LRP2: variants seen among roughly 807,000 people sequenced by gnomAD.
The protein encoded by LRP2 is low-density lipoprotein receptor-related protein 2.
In LRP2, 172 loss-of-function variants were observed where a neutral mutation model predicts 531.0. That is an observed-to-expected ratio of 0.32 (90% CI 0.29 to 0.37). The LOEUF (loss-of-function observed/expected upper bound fraction) is 0.37. LRP2 is among the 10% of genes least tolerant of loss of function. LRP2 has a pLI of 1.00. For missense variants in LRP2, 5,167 were observed against 5,868.3 expected, an observed-to-expected ratio of 0.88 and a Z score of 3.90; for synonymous variants, 1,992 against 2,027.6, an observed-to-expected ratio of 0.98 and a Z score of 0.47.
intron 52 of LRP2, 138 bp from the exon 53 acceptor site, chr2:169,178,164 T>G (rs1239830520): frequency 2.9e-6 from 2 of 691,952 alleles, no homozygotes; most frequent in African/African-American, 3.6e-5. Flanking sequence ...AAACTCCTAG[T>G]CTTTAATTAA....
intron 3 of LRP2, among the ~76,000 whole-genome samples, chr2:169,310,883 G>A (rs540297806): frequency 6.6e-6 from 1 of 152,288 alleles, no homozygotes; most frequent in South Asian, 2.1e-4. Context: ...TTCAGAGCCT[G>A]TTATTGGACT....
intron 62 of LRP2, 37 bp downstream of exon 62, chr2:169,165,895 C>T: frequency 6.2e-7 from 1 of 1,613,140 alleles, no homozygotes; most frequent in Non-Finnish European, 8.5e-7. Context: ...CACTTGGGGT[C>T]CTTCCTTTTT....
chr2:169,238,603 T>C (rs13027887), intron 26 of LRP2, among the ~76,000 whole-genome samples: 6,143 of 152,212 alleles, frequency 0.04, 131 homozygotes, highest in Non-Finnish European at 0.055. Context: ...TTACTGTATT[T>C]ATTTTTGTAC....
At chr2:169,322,037 C>A (rs908087767) in intron 1 of LRP2, among the ~76,000 whole-genome samples, 1 of 152,178 alleles carries the variant, frequency 6.6e-6, no homozygotes. Flanking sequence ...TTATTTTATT[C>A]TTTCACAAAC....
intron 37 of LRP2, 42 bp downstream of exon 37, chr2:169,211,926 G>A (rs763657997): frequency 1.2e-6 from 2 of 1,612,986 alleles, no homozygotes; most frequent in South Asian, 1.1e-5. Context: ...TCAACCTGGT[G>A]CCAGATGAAG....
At chr2:169,137,537 C>CAG (rs770018096) in intron 75 of LRP2, 44 bp from the exon 76 acceptor site, 3 of 1,162,412 alleles carry the variant, frequency 2.6e-6, no homozygotes, top group South Asian at 1.2e-5. Context: ...GAGAGAGAAA[C>CAG]AGAGAGAGAG....
At chr2:169,220,587 G>A (rs774137797) in intron 33 of LRP2, 24 bp from the exon 34 acceptor site, 15 of 1,511,356 alleles carry the variant, frequency 9.9e-6, no homozygotes, top group African/African-American at 1.4e-5. Context: ...TCACTTATTA[G>A]AACTGACTTT....
intron 32 of LRP2, among the ~76,000 whole-genome samples, chr2:169,225,735 A>G (rs940272202): frequency 5.9e-5 from 9 of 152,234 alleles, no homozygotes; most frequent in Non-Finnish European, 1.2e-4. Flanking sequence ...AACCCAAGTC[A>G]CAGATGTGGA....
chr2:169,281,057 T>C (rs1683689876), intron 10 of LRP2, among the ~76,000 whole-genome samples: 1 of 152,158 alleles, frequency 6.6e-6, no homozygotes, highest in African/African-American at 2.4e-5. Context: ...AGGAATGATA[T>C]AAAAATTGAT....
intron 31 of LRP2, among the ~76,000 whole-genome samples, chr2:169,230,251 G>A (rs1689351469): frequency 6.6e-6 from 1 of 152,206 alleles, no homozygotes; most frequent in Admixed American, 6.5e-5. Context: ...ATCTTCTCCT[G>A]AAAGACTCTA....
chr2:169,168,764 C>A (rs1558991612), intron 60 of LRP2, 88 bp from the exon 61 acceptor site: 15 of 1,382,442 alleles, frequency 1.1e-5, no homozygotes, highest in Non-Finnish European at 1.5e-5. Flanking sequence ...TTGGCTCTTG[C>A]CATTATAGCC....
chr2:169,208,084 G>C (rs1017950439), intron 38 of LRP2, among the ~76,000 whole-genome samples: 14 of 152,084 alleles, frequency 9.2e-5, no homozygotes, highest in African/African-American at 3.4e-4. Flanking sequence ...TTAATCCAGG[G>C]TTGGCAAACT....
At chr2:169,169,923 G>T in intron 59 of LRP2, 105 bp from the exon 60 acceptor site, 1 of 808,580 alleles carries the variant, frequency 1.2e-6, no homozygotes. Context: ...TCTACACCCT[G>T]TGACTGGCTC....
intron 57 of LRP2, 82 bp downstream of exon 57, chr2:169,173,014 A>C: frequency 8.5e-6 from 12 of 1,416,500 alleles, no homozygotes; most frequent in Non-Finnish European, 1.1e-5. Context: ...TGGGAAATAC[A>C]CTCTCATCTC....
intron 67 of LRP2, 27 bp downstream of exon 67, chr2:169,152,772 T>A: frequency 6.2e-7 from 1 of 1,613,386 alleles, no homozygotes; most frequent in Non-Finnish European, 8.5e-7. Flanking sequence ...ACAGAACAGG[T>A]AAGGGGGGAA....
chr2:169,299,642 T>C (rs1047750647), intron 4 of LRP2, among the ~76,000 whole-genome samples: 1 of 152,032 alleles, frequency 6.6e-6, no homozygotes, highest in African/African-American at 2.4e-5. Flanking sequence ...AGAAGTAAGA[T>C]GCCTTCTAAG....
chr2:169,230,673 G>T (rs974495530), intron 31 of LRP2, among the ~76,000 whole-genome samples: 8 of 152,174 alleles, frequency 5.3e-5, no homozygotes, highest in Non-Finnish European at 1.0e-4. Flanking sequence ...TAACTTCTTA[G>T]ATTTTTAAGC....
At chr2:169,175,005 A>G (rs1480251553) in intron 55 of LRP2, among the ~76,000 whole-genome samples, 188 bp downstream of exon 55, 1 of 147,964 alleles carries the variant, frequency 6.8e-6, no homozygotes, top group African/African-American at 2.5e-5. Flanking sequence ...GCCTTGTAAA[A>G]ACCTTAAGAT....
In LRP2 at chr2:169,193,750, G is replaced by T. The variant is rs1191246388; in HGVS notation, c.8830+11C>A. ...TGTGACTCTGCAGAGGAATTAATTG[G>T]CTTCACTTACGACACTGGTGCCTTT... On this transcript the variant is annotated intron_variant, in intron 47 of 78. Coordinates refer to ENST00000649046, the MANE Select transcript of LRP2 (RefSeq NM_004525.3). The T allele has an allele frequency of 6.2e-7, 1 of 1,614,102 alleles. No homozygotes were observed. Among genetic ancestry groups the T allele is most frequent in the African/African-American group, 1.3e-5 (1 of 75,028 alleles).
Sources: gnomAD v4.1 joint callset for allele counts (sites outside exome capture counted in the v4.1 genomes callset) on GRCh38, gnomAD v4.1.1 for gene constraint, MANE v1.5 for transcripts, NCBI Gene and HGNC (gene_info 2026-07-23, HGNC 2026-07-21) for gene names.